Variants in RGS5 observed in about 807,000 individuals in gnomAD.
The protein encoded by RGS5 is regulator of G-protein signalling 5.
In RGS5, 20 loss-of-function variants were observed where a neutral mutation model predicts 18.9. That is an observed-to-expected ratio of 1.06 (90% CI 0.74 to 1.54). The LOEUF is 1.54. RGS5 is among the 40% of genes most tolerant of loss of function. The probability of loss-of-function intolerance (pLI) is 0.00; values close to 1 mark genes in which losing one functional copy is unlikely to be tolerated. For missense variants in RGS5, 201 were observed against 211.8 expected (o/e 0.95, Z 0.32); for synonymous variants, 57 against 76.2 (o/e 0.75, Z 1.31).
At position 163,168,335 on chromosome 1, in the gene RGS5, G is replaced by A; in HGVS notation, c.78C>T (p.Leu26=). The A allele has an allele frequency of 6.2e-7, 1 of 1,613,824 alleles. No individual in the cohort carries two copies. The highest frequency in any genetic ancestry group is 1.6e-4 in the Middle Eastern group (1 of 6,062). ...AKEIKIKLGI[L]LQKPDSVGDL... is the part of the protein sequence containing the mutation. Reference sequence around the variant, plus strand: ...CACCAACTGAGTCTGGCTTCTGGAGGAGAATTCCCAACTTGATCTTAATCT... The same window carrying A: ...CACCAACTGAGTCTGGCTTCTGGAGAAGAATTCCCAACTTGATCTTAATCT... The change falls in exon 2 of 5, where the codon CTC becomes CTT. Residue 26 remains leucine (L), a synonymous_variant. Coordinates refer to ENST00000313961, the MANE Select transcript of RGS5 (RefSeq NM_003617.4).
chr1:163,211,246 T>C (rs1660094776), intron 1 of RGS5: 1 of 151,948 alleles, frequency 6.6e-6, no homozygotes, highest in Admixed American at 6.6e-5. Context: ...AGGAGAGAAA[T>C]GGTACGTTAA....
intron 2 of RGS5, among the ~76,000 whole-genome samples, chr1:163,256,488 C>T (rs939621118): frequency 6.6e-6 from 1 of 152,136 alleles, no homozygotes; most frequent in African/African-American, 2.4e-5. Context: ...CTGATGAATA[C>T]GCCTGTGATG....
chr1:163,168,266 C>T lies in RGS5; in HGVS notation c.147G>A (p.Lys49=), dbSNP rs1658142815. The T allele has an allele frequency of 6.2e-7, 1 of 1,612,848 alleles. No homozygotes were observed. The highest frequency in any genetic ancestry group is 8.5e-7 in the Non-Finnish European group (1 of 1,179,044). ...PYNEKPEKPA[K]TQKTSLDEAL... ...CCATATTCATGACTCACTTCTGGGT[C>T]TTGGCTGGTTTCTCTGGCTTCTCAT... The change falls in exon 2 of 5, where the codon AAG becomes AAA. Residue 49 remains lysine (K), a synonymous_variant. Transcript: ENST00000313961.
intron 1 of RGS5, among the ~76,000 whole-genome samples, chr1:163,179,254 G>T (rs1302632731): frequency 6.6e-6 from 1 of 152,204 alleles, no homozygotes; most frequent in Non-Finnish European, 1.5e-5. Context: ...CTTACTACAT[G>T]TGTGACTTTT....
At chr1:163,314,560 C>CAAAA (rs552982039) in intron 1 of RGS5, among the ~76,000 whole-genome samples, 1 of 150,692 alleles carries the variant, frequency 6.6e-6, no homozygotes, top group African/African-American at 2.4e-5. Flanking sequence ...ACAACAACAA[C>CAAAA]AACAAAAAAA....
intron 1 of RGS5, among the ~76,000 whole-genome samples, chr1:163,175,197 T>C (rs1658493193): frequency 6.6e-6 from 1 of 152,078 alleles, no homozygotes; most frequent in Admixed American, 6.6e-5. Context: ...AGTAAGACAT[T>C]TGCCGGATTA....
rs1160517416 is a variant in RGS5 at position 163,259,652 on chromosome 1, C to G, written c.-281+46581G>C. On this transcript the variant is annotated intron_variant, in intron 2 of 5. Coordinates refer to the RGS5 transcript ENST00000618415. ...CCTAAAAGCTGGAAGGAGTTATTATCACATAATTTCTGGGCGCTACAGAAG... is the reference window on the plus strand; with the variant it reads ...CCTAAAAGCTGGAAGGAGTTATTATGACATAATTTCTGGGCGCTACAGAAG... Among the ~76,000 whole-genome samples the G allele has an allele frequency of 2.0e-5, 3 of 152,174 alleles. No homozygotes were observed. In the East Asian group the frequency reaches 5.8e-4, roughly 29 times the overall value.
intron 1 of RGS5, among the ~76,000 whole-genome samples, chr1:163,173,830 C>T (rs1478845585): frequency 6.6e-6 from 1 of 152,110 alleles, no homozygotes; most frequent in East Asian, 1.9e-4. Flanking sequence ...AATCCCAGCA[C>T]TTTAGGAGGC....
chr1:163,197,328 A>C (rs1459391822), intron 1 of RGS5, among the ~76,000 whole-genome samples: 1 of 152,010 alleles, frequency 6.6e-6, no homozygotes, highest in Non-Finnish European at 1.5e-5. Flanking sequence ...AGACCTGGCT[A>C]ACTCCTCTGT....
intron 2 of RGS5, among the ~76,000 whole-genome samples, chr1:163,284,101 G>T (rs900918656): frequency 6.6e-6 from 1 of 152,182 alleles, no homozygotes; most frequent in Non-Finnish European, 1.5e-5. Flanking sequence ...AAAATGTCAC[G>T]ATGTATTTTG....
intron 1 of RGS5, among the ~76,000 whole-genome samples, chr1:163,169,203 T>TA (rs1368697427): frequency 2.6e-5 from 4 of 152,160 alleles, no homozygotes; most frequent in Admixed American, 2.0e-4. Flanking sequence ...CATCATTTTT[T>TA]ATGGCTGCAT....
intron 2 of RGS5, among the ~76,000 whole-genome samples, chr1:163,224,196 C>A (rs940123800): frequency 6.6e-6 from 1 of 152,038 alleles, no homozygotes; most frequent in Non-Finnish European, 1.5e-5. Flanking sequence ...TCTTTCCATG[C>A]CCTCCTCCTC....
chr1:163,184,924 G>A (rs1435013094), intron 1 of RGS5, among the ~76,000 whole-genome samples: 1 of 152,152 alleles, frequency 6.6e-6, no homozygotes, highest in Non-Finnish European at 1.5e-5. Flanking sequence ...TGTTATAGCA[G>A]CAAATACGAA....
chr1:163,318,091 G>T (rs762334402), intron 1 of RGS5, among the ~76,000 whole-genome samples: 24 of 152,164 alleles, frequency 1.6e-4, no homozygotes, highest in Non-Finnish European at 3.2e-4. Flanking sequence ...TAAAAAATTA[G>T]TAAGGATAAG....
intron 3 of RGS5, among the ~76,000 whole-genome samples, chr1:163,159,745 G>A (rs1289815845): frequency 6.6e-6 from 1 of 152,036 alleles, no homozygotes; most frequent in African/African-American, 2.4e-5. Flanking sequence ...TAATTATGTG[G>A]AACTTATATA....
At chr1:163,206,333 G>C (rs181923828), upstream of RGS5, among the ~76,000 whole-genome samples, 43 of 151,830 alleles carry the variant, frequency 2.8e-4, no homozygotes, top group East Asian at 6.8e-3. Context: ...CACAAACTAA[G>C]ACAATATGGA....
chr1:163,204,352 C>T (rs1659889427), upstream of RGS5, among the ~76,000 whole-genome samples: 1 of 151,634 alleles, frequency 6.6e-6, no homozygotes, highest in Non-Finnish European at 1.5e-5. Context: ...CACAGACACA[C>T]ACGTTTTTGA....
chr1:163,248,530 C>T (rs1483626393), intron 2 of RGS5: 1 of 152,132 alleles, frequency 6.6e-6, no homozygotes, highest in Non-Finnish European at 1.5e-5. Flanking sequence ...AGAGACTAAC[C>T]TGTTTCCTTG....
chr1:163,176,948 C>T (rs896648410), intron 1 of RGS5, among the ~76,000 whole-genome samples: 3 of 152,224 alleles, frequency 2.0e-5, no homozygotes, highest in African/African-American at 4.8e-5. Flanking sequence ...CACATCTCAA[C>T]AGTGGTCAGC....
Sources: gnomAD v4.1 joint callset for allele counts (sites outside exome capture counted in the v4.1 genomes callset) on GRCh38, gnomAD v4.1.1 for gene constraint, MANE v1.5 for transcripts, NCBI Gene and HGNC (gene_info 2026-07-23, HGNC 2026-07-21) for gene names.